ZNF608: variants seen among roughly 807,000 people sequenced by gnomAD.
ZNF608 encodes the protein renal carcinoma antigen NY-REN-36.
Under a neutral mutation model 109.0 loss-of-function variants are expected in ZNF608, and 12 were observed. The observed-to-expected ratio is 0.11, with a 90% CI of 0.07 to 0.18. The LOEUF (loss-of-function observed/expected upper bound fraction) is 0.18, where lower values mean the gene tolerates loss of function less well. Ranked by LOEUF, ZNF608 falls within the 10% of genes least tolerant of loss-of-function variation. The pLI, the probability that ZNF608 is intolerant of heterozygous loss-of-function variation, is 1.00. For missense variants in ZNF608, 1,707 were observed against 1,879.3 expected (o/e 0.91, Z 1.70); for synonymous variants, 732 against 717.4 (o/e 1.02, Z -0.33).
chr5:124,684,920 T>C (rs985142493), intron 3 of ZNF608, among the ~76,000 whole-genome samples: 1 of 152,228 alleles, frequency 6.6e-6, no homozygotes, highest in Non-Finnish European at 1.5e-5. Context: ...ATTTTTTAAA[T>C]CTGCTAAGTG....
At chr5:124,746,690 TAAG>T (rs1394862826), upstream of ZNF608, 1 of 984,986 alleles carries the variant, frequency 1.0e-6, no homozygotes, top group African/African-American at 1.8e-5. Flanking sequence ...GAAGAAAGAA[TAAG>T]AAGAAAGGAC....
chr5:124,696,959 G>T (rs1353180543), intron 3 of ZNF608, among the ~76,000 whole-genome samples: 5 of 152,138 alleles, frequency 3.3e-5, no homozygotes, highest in Middle Eastern at 6.8e-3. Context: ...AGACCAAAAT[G>T]CCAACCCAGA....
intron 1 of ZNF608, among the ~76,000 whole-genome samples, chr5:124,745,777 A>AAC (rs1173222612): frequency 3.3e-5 from 5 of 152,140 alleles, no homozygotes; most frequent in Non-Finnish European, 7.4e-5. Context: ...AACTGCCCCC[A>AAC]ACACACACAC....
chr5:124,726,351 G>A (rs560434105), intron 2 of ZNF608, among the ~76,000 whole-genome samples: 4 of 152,010 alleles, frequency 2.6e-5, no homozygotes, highest in Non-Finnish European at 5.9e-5. Flanking sequence ...GCCTTCCTGT[G>A]GAAGGACCAT....
intron 3 of ZNF608, among the ~76,000 whole-genome samples, chr5:124,689,017 A>C (rs1752504693): frequency 6.6e-6 from 1 of 152,254 alleles, no homozygotes; most frequent in South Asian, 2.1e-4. Context: ...TTTGAAATTA[A>C]AAACACAATA....
intron 2 of ZNF608, among the ~76,000 whole-genome samples, chr5:124,703,312 C>T (rs1394095176): frequency 1.3e-5 from 2 of 152,222 alleles, no homozygotes; most frequent in East Asian, 3.9e-4. Flanking sequence ...AGTCTTATAG[C>T]GTATCAGTTC....
At chr5:124,663,654 G>A (rs1041835202) in intron 3 of ZNF608, among the ~76,000 whole-genome samples, 1 of 152,102 alleles carries the variant, frequency 6.6e-6, no homozygotes, top group African/African-American at 2.4e-5. Context: ...ACTTTATTTA[G>A]TACATCTCAG....
At chr5:124,716,684 G>T (rs1035569577) in intron 2 of ZNF608, among the ~76,000 whole-genome samples, 2 of 152,182 alleles carry the variant, frequency 1.3e-5, no homozygotes, top group Admixed American at 6.5e-5. Context: ...GCATTCTCCT[G>T]CATTCTTGCA....
chr5:124,744,729 A>T lies in ZNF608; in HGVS notation c.261T>A (p.Ser87=). The change falls in exon 2 of 10, where the codon TCT becomes TCA. Residue 87 remains serine (S), a synonymous_variant. Coordinates refer to ENST00000513986, the MANE Select transcript of ZNF608 (RefSeq NM_020747.3). This position sits in a 1 kb window ranked among gnomAD's most constrained non-coding sequence, Gnocchi z 4.5. ...TCCCCTGGGGAGCAGAGGCCTGAAC[A>T]GAAGCAAATTTTAGGCCATCAGCTA... The part of the protein sequence containing the change: ...AALADGLKFA[S]VQASAPQGNS... 6.2e-7 allele frequency: 1 copy of T among 1,614,198 alleles called. No individual in the cohort carries two copies.
At chr5:124,710,284 C>T (rs931129798) in intron 2 of ZNF608, 17 of 440,278 alleles carry the variant, frequency 3.9e-5, no homozygotes, top group African/African-American at 2.0e-5. Flanking sequence ...CTCAGCTTAA[C>T]ATCAGTCATT....
At chr5:124,654,991 G>A (rs1750944684) in intron 3 of ZNF608, among the ~76,000 whole-genome samples, 1 of 152,092 alleles carries the variant, frequency 6.6e-6, no homozygotes, top group Non-Finnish European at 1.5e-5. Context: ...TTGAAAATAG[G>A]AGCAGTGTCT....
chr5:124,712,567 G>A (rs1009177185), intron 2 of ZNF608, among the ~76,000 whole-genome samples: 1 of 152,140 alleles, frequency 6.6e-6, no homozygotes, highest in Non-Finnish European at 1.5e-5. Flanking sequence ...AACCTGGAAA[G>A]TGGGGTGACT....
chr5:124,740,158 A>T (rs569572579), intron 2 of ZNF608, among the ~76,000 whole-genome samples: 1 of 152,206 alleles, frequency 6.6e-6, no homozygotes, highest in Non-Finnish European at 1.5e-5. Flanking sequence ...TTCTCTCTCC[A>T]GCAAAGCAAA....
At position 124,638,414 on chromosome 5, in the gene ZNF608, G is replaced by A. The variant is rs190689218; in HGVS notation, c.4533-508C>T. Among the ~76,000 whole-genome samples the A allele has an allele frequency of 4.6e-5, 7 of 151,848 alleles. No individual in the cohort carries two copies. The East Asian group carries it at 9.7e-4, about 21-fold the overall frequency. The stretch of plus-strand genomic sequence containing the variant: ...TGGAATTACAGACGCACACCACCAC[G>A]CCCAGCTAATTTTTGTATTTTTATT... On this transcript the variant is annotated intron_variant, in intron 9 of 9. Transcript: ENST00000513986.
intron 2 of ZNF608, among the ~76,000 whole-genome samples, chr5:124,736,129 C>A (rs553680249): frequency 2.4e-4 from 37 of 152,050 alleles, no homozygotes; most frequent in Non-Finnish European, 5.0e-4. Flanking sequence ...TTTTCCCCTT[C>A]GTTGCAAAGA....
In ZNF608 at chr5:124,641,274, C is replaced by A. The variant is rs7703447; in HGVS notation, c.4428G>T (p.Pro1476=). The change falls in exon 8 of 10, where the codon CCG becomes CCT. Residue 1476 remains proline, a synonymous_variant. Coordinates refer to ENST00000513986, the MANE Select transcript of ZNF608 (RefSeq NM_020747.3). The part of the protein sequence containing the change: ...THVGMGYPLI[P]GQYDPFQGLT... ...GACCTTGAAAAGGGTCATATTGACC[C>A]GGGATTAGCGGGTAACCCATGCCAA... The A allele has an allele frequency of 6.2e-7, 1 of 1,613,526 alleles. No individual in the cohort carries two copies. Among genetic ancestry groups the A allele is most frequent in the East Asian group, 2.2e-5 (1 of 44,878 alleles).
chr5:124,721,875 G>A (rs1372572835), intron 2 of ZNF608, among the ~76,000 whole-genome samples: 5 of 138,838 alleles, frequency 3.6e-5, no homozygotes, highest in African/African-American at 8.1e-5. Context: ...CAAGGAAGCC[G>A]AGGTTACAGT....
chr5:124,739,460 G>A (rs1291427547), intron 2 of ZNF608, among the ~76,000 whole-genome samples: 2 of 152,198 alleles, frequency 1.3e-5, no homozygotes, highest in Admixed American at 6.5e-5. Flanking sequence ...CAGAGTTGGC[G>A]TGAGAGCCTT....
At chr5:124,741,295 A>T (rs1306226823) in intron 2 of ZNF608, among the ~76,000 whole-genome samples, 1 of 151,992 alleles carries the variant, frequency 6.6e-6, no homozygotes, top group Non-Finnish European at 1.5e-5. Flanking sequence ...TAGTGAAGAA[A>T]CAGAATAAAC....
Sources: gnomAD v4.1 joint callset for allele counts (sites outside exome capture counted in the v4.1 genomes callset) on GRCh38, gnomAD v4.1.1 for gene constraint, Gnocchi (gnomAD v3.1) non-coding constraint, MANE v1.5 for transcripts, NCBI Gene and HGNC (gene_info 2026-07-23, HGNC 2026-07-21) for gene names.